SGCD: variants seen among roughly 807,000 people sequenced by gnomAD.
The protein encoded by SGCD is sarcoglycan delta, also known as delta-sarcoglycan.
Under a neutral mutation model 36.6 loss-of-function variants are expected in SGCD, and 18 were observed. The ratio of observed to expected loss-of-function variants is 0.49; its 90% CI spans 0.34 to 0.73. The LOEUF (loss-of-function observed/expected upper bound fraction) is 0.73, where lower values mean the gene tolerates loss of function less well. SGCD is among the 30% of genes least tolerant of loss of function. The probability of loss-of-function intolerance (pLI) is 0.01; values close to 1 mark genes in which losing one functional copy is unlikely to be tolerated. For synonymous variants in SGCD, 133 were observed against 130.6 expected (o/e 1.02, Z -0.12); for missense variants, 387 against 346.7 (o/e 1.12, Z -0.92).
At chr5:155,826,424 A>T in the SGCD span, among the ~76,000 whole-genome samples, 2 of 152,210 alleles carry the variant, frequency 1.3e-5, no homozygotes, top group Non-Finnish European at 2.9e-5. Flanking sequence ...GTGATGGTCT[A>T]CAAGACCTGA....
intron 6 of SGCD, among the ~76,000 whole-genome samples, chr5:156,618,702 G>A (rs973387074): frequency 3.3e-5 from 5 of 151,936 alleles, no homozygotes; most frequent in Admixed American, 6.6e-5. Context: ...ACAGTGGTTC[G>A]GTTTTCCCCT....
intron 3 of SGCD, among the ~76,000 whole-genome samples, chr5:156,289,837 T>C (rs17053400): frequency 0.094 from 14,321 of 152,056 alleles, 2,000 homozygotes; most frequent in African/African-American, 0.3. Flanking sequence ...ATTCAATAAA[T>C]GTTCTCTGAG....
intron 4 of SGCD, among the ~76,000 whole-genome samples, chr5:156,549,607 T>A (rs979086704): frequency 2.5e-4 from 38 of 152,350 alleles, no homozygotes; most frequent in African/African-American, 8.9e-4. Context: ...TTTCACTACC[T>A]TGTTGCACTA....
At chr5:155,956,932 T>C (rs1339508902) in intron 1 of SGCD, among the ~76,000 whole-genome samples, 1 of 152,038 alleles carries the variant, frequency 6.6e-6, no homozygotes. Flanking sequence ...TTTTTGGGGC[T>C]ACAATTCAAC....
At chr5:155,783,262 G>A in the SGCD span, among the ~76,000 whole-genome samples, 22 of 152,208 alleles carry the variant, frequency 1.4e-4, no homozygotes, top group African/African-American at 5.1e-4. Context: ...TTAAAGCTTG[G>A]GAGAGCTTTA....
chr5:156,162,493 C>T (rs565534889), intron 3 of SGCD, among the ~76,000 whole-genome samples: 1 of 151,690 alleles, frequency 6.6e-6, no homozygotes, highest in Admixed American at 6.5e-5. Flanking sequence ...GACCAGGGAA[C>T]CAGGTAGGGC....
intron 3 of SGCD, among the ~76,000 whole-genome samples, chr5:156,260,532 A>G (rs1489921370): frequency 7.2e-5 from 11 of 152,156 alleles, no homozygotes; most frequent in Admixed American, 7.2e-4. Context: ...ACCCATTGTT[A>G]GTAAATATTG....
intron 3 of SGCD, among the ~76,000 whole-genome samples, chr5:156,224,578 A>G (rs1764801157): frequency 6.6e-6 from 1 of 152,136 alleles, no homozygotes; most frequent in Non-Finnish European, 1.5e-5. Flanking sequence ...GTTTTATAAG[A>G]ACCAGTAAGT....
intron 3 of SGCD, among the ~76,000 whole-genome samples, chr5:156,189,399 A>T (rs1050770165): frequency 6.6e-6 from 1 of 152,218 alleles, no homozygotes; most frequent in Non-Finnish European, 1.5e-5. Context: ...TCTCCTTAGT[A>T]TTTGTCCTGC....
chr5:155,976,027 T>TCA (rs1201653454), intron 1 of SGCD, among the ~76,000 whole-genome samples: 2 of 152,258 alleles, frequency 1.3e-5, no homozygotes, highest in East Asian at 3.9e-4. Context: ...TTCTCCTTAG[T>TCA]CACAGTATGA....
At chr5:156,347,528 T>C (rs1249923381) in intron 3 of SGCD, among the ~76,000 whole-genome samples, 1 of 152,134 alleles carries the variant, frequency 6.6e-6, no homozygotes, top group Non-Finnish European at 1.5e-5. Context: ...GATGGTGAGA[T>C]GGCTGGGTGG....
chr5:156,508,513 A>C (rs1028707655), intron 3 of SGCD, 88 bp from the exon 4 acceptor site: 1 of 716,398 alleles, frequency 1.4e-6, no homozygotes, highest in Admixed American at 2.7e-5. Flanking sequence ...AAAAAAAAAA[A>C]AGGCTATAAC....
At chr5:155,996,670 T>C (rs909407812) in intron 1 of SGCD, among the ~76,000 whole-genome samples, 1 of 151,434 alleles carries the variant, frequency 6.6e-6, no homozygotes, top group Non-Finnish European at 1.5e-5. Context: ...TCTCAGCTAC[T>C]TGGGAGGTTG....
intron 3 of SGCD, among the ~76,000 whole-genome samples, chr5:156,309,237 TTC>T (rs1211189631): frequency 6.6e-6 from 1 of 152,156 alleles, no homozygotes; most frequent in Non-Finnish European, 1.5e-5. Context: ...TTCTGCCCTG[TTC>T]TCTCTCTTTT....
intron 3 of SGCD, among the ~76,000 whole-genome samples, chr5:156,240,886 A>C (rs1765289302): frequency 6.6e-6 from 1 of 152,244 alleles, no homozygotes; most frequent in African/African-American, 2.4e-5. Flanking sequence ...TATGTTGAGA[A>C]GCACTGTTAG....
At chr5:156,191,870 T>C (rs1763901693) in intron 3 of SGCD, among the ~76,000 whole-genome samples, 1 of 152,240 alleles carries the variant, frequency 6.6e-6, no homozygotes, top group African/African-American at 2.4e-5. Flanking sequence ...GGTTTGGGAT[T>C]CCCTAGTTAG....
intron 3 of SGCD, among the ~76,000 whole-genome samples, chr5:156,488,226 G>T (rs538912716): frequency 6.6e-6 from 1 of 150,452 alleles, no homozygotes; most frequent in African/African-American, 2.4e-5. Context: ...TCCCAAAGGA[G>T]CTGGACAATG....
chr5:156,301,740 T>G, intron 3 of SGCD, among the ~76,000 whole-genome samples: 1 of 152,096 alleles, frequency 6.6e-6, no homozygotes, highest in East Asian at 1.9e-4. Context: ...GGAAAGTGTT[T>G]CTGTTTCATG....
intron 7 of SGCD, among the ~76,000 whole-genome samples, chr5:156,675,281 A>G (rs1011098738): frequency 2.6e-5 from 4 of 152,238 alleles, no homozygotes; most frequent in Non-Finnish European, 5.9e-5. Flanking sequence ...ATTACCTAGA[A>G]TGTGGAGCTT....
Sources: gnomAD v4.1 joint callset for allele counts (sites outside exome capture counted in the v4.1 genomes callset) on GRCh38, gnomAD v4.1.1 for gene constraint, MANE v1.5 for transcripts, NCBI Gene and HGNC (gene_info 2026-07-23, HGNC 2026-07-21) for gene names.